Variants in FOXP2 observed in about 807,000 individuals in gnomAD.
FOXP2 encodes forkhead box protein P2.
FOXP2 carries 12 observed loss-of-function variants against 115.8 expected under a neutral mutation model. The ratio of observed to expected loss-of-function variants is 0.10; its 90% CI spans 0.07 to 0.17. FOXP2 has a LOEUF of 0.17. Among genes scored for constraint, FOXP2 ranks in the 10% least tolerant of loss-of-function variants. The probability of loss-of-function intolerance (pLI) is 1.00; values close to 1 mark genes in which losing one functional copy is unlikely to be tolerated. For synonymous variants in FOXP2, 328 were observed against 297.7 expected, an observed-to-expected ratio of 1.10 and a Z score of -1.05; for missense variants, 629 against 843.5, an observed-to-expected ratio of 0.75 and a Z score of 3.15.
chr7:114,445,150 C>T (rs1379370923), intron 2 of FOXP2, among the ~76,000 whole-genome samples: 1 of 150,788 alleles, frequency 6.6e-6, no homozygotes, highest in East Asian at 2.0e-4. Context: ...CTGCTAAAAT[C>T]CCACCAATGG....
intron 1 of FOXP2, among the ~76,000 whole-genome samples, chr7:114,255,633 C>A (rs1005038338): frequency 1.7e-4 from 26 of 152,294 alleles, no homozygotes; most frequent in African/African-American, 6.3e-4. Flanking sequence ...TTTGTTAAGA[C>A]CATTGGAAAA....
In FOXP2 at chr7:114,374,058, C is replaced by A. The variant is rs1019044281; in HGVS notation, c.-10-52444C>A. On this transcript the variant is annotated intron_variant, in intron 2 of 17. Transcript: ENST00000634411. ...GGCAACGATTATATTAGTGATATAA[C>A]TGTCTTTTAATTTGACGTTTCATAG... 2.0e-5 allele frequency among the ~76,000 whole-genome samples: 3 copies of A among 152,170 alleles called. No homozygotes were observed. In the South Asian group the frequency reaches 6.2e-4, roughly 32 times the overall value.
intron 2 of FOXP2, among the ~76,000 whole-genome samples, chr7:114,497,927 A>G (rs1356177849): frequency 6.6e-6 from 1 of 152,112 alleles, no homozygotes; most frequent in Non-Finnish European, 1.5e-5. Flanking sequence ...ATTCAGATTA[A>G]AAAACTCAGC....
chr7:114,365,587 G>A (rs1181820558), intron 2 of FOXP2, among the ~76,000 whole-genome samples: 1 of 152,032 alleles, frequency 6.6e-6, no homozygotes, highest in Non-Finnish European at 1.5e-5. Context: ...AATGACTTCT[G>A]TGTTTAGAGA....
At chr7:114,627,392 G>C (rs1314133799) in intron 3 of FOXP2, among the ~76,000 whole-genome samples, 1 of 151,976 alleles carries the variant, frequency 6.6e-6, no homozygotes, top group Non-Finnish European at 1.5e-5. Flanking sequence ...TTCTAGGAAA[G>C]TGATTACTAT....
intron 2 of FOXP2, among the ~76,000 whole-genome samples, chr7:114,468,882 A>G (rs1387239771): frequency 6.6e-6 from 1 of 152,214 alleles, no homozygotes; most frequent in Non-Finnish European, 1.5e-5. Context: ...TATTTCATTT[A>G]CTTAATGAAA....
intron 1 of FOXP2, among the ~76,000 whole-genome samples, chr7:114,221,357 C>T (rs937827883): frequency 6.6e-6 from 1 of 152,070 alleles, no homozygotes; most frequent in Non-Finnish European, 1.5e-5. Flanking sequence ...ACTGCCAAGA[C>T]ATATTTTGTA....
At chr7:114,620,890 G>A (rs1804214339) in intron 3 of FOXP2, among the ~76,000 whole-genome samples, 1 of 151,866 alleles carries the variant, frequency 6.6e-6, no homozygotes, top group Non-Finnish European at 1.5e-5. Flanking sequence ...AAAGTTATGG[G>A]AAATGTTATA....
chr7:114,507,886 G>A (rs1032131866), intron 2 of FOXP2, among the ~76,000 whole-genome samples: 11 of 151,814 alleles, frequency 7.2e-5, no homozygotes, highest in Admixed American at 7.2e-4. Flanking sequence ...AAGGAAGAAG[G>A]AGGCAGTATA....
Position 114,693,200 on chromosome 7 carries a change from A to C in FOXP2, c.*3274A>C. The C allele has an allele frequency of 2.2e-6, 1 of 452,640 alleles. No individual in the cohort carries two copies. Among genetic ancestry groups the C allele is most frequent in the Non-Finnish European group, 4.4e-6 (1 of 225,986 alleles). 28.0% of individuals were successfully genotyped at this position (452,640 alleles called of 1,614,324 possible). A position where few individuals can be genotyped will look rare whatever the true frequency, so the allele number is the denominator to read the frequency against. ...ACAAGTATTTGGTAGAATTACCACTAACTGGGTTTTCTTTAGATAACTCAG... is the reference window on the plus strand; with the variant it reads ...ACAAGTATTTGGTAGAATTACCACTCACTGGGTTTTCTTTAGATAACTCAG... On this transcript the variant is annotated 3_prime_UTR_variant, in exon 17 of 17. Coordinates refer to ENST00000350908, the MANE Select transcript of FOXP2 (RefSeq NM_014491.4).
At chr7:114,273,098 CACTGATATT>C (rs1796107524) in intron 1 of FOXP2, among the ~76,000 whole-genome samples, 1 of 151,796 alleles carries the variant, frequency 6.6e-6, no homozygotes, top group Non-Finnish European at 1.5e-5. Flanking sequence ...TTCCTCTGAG[CACTGATATT>C]ACTTTATCCC....
chr7:114,528,091 G>A (rs1380400362), intron 2 of FOXP2, among the ~76,000 whole-genome samples: 3 of 151,958 alleles, frequency 2.0e-5, no homozygotes, highest in African/African-American at 4.8e-5. Flanking sequence ...TTATTGTTTA[G>A]TTTATCCAAT....
At chr7:114,089,380 A>G (rs1317476439) in intron 1 of FOXP2, among the ~76,000 whole-genome samples, 1 of 152,096 alleles carries the variant, frequency 6.6e-6, no homozygotes, top group Non-Finnish European at 1.5e-5. Flanking sequence ...TGAATACTTT[A>G]TAGTTAGGTT....
At chr7:114,685,739 T>C (rs1257275160) in intron 16 of FOXP2, among the ~76,000 whole-genome samples, 3 of 152,178 alleles carry the variant, frequency 2.0e-5, no homozygotes, top group Non-Finnish European at 2.9e-5. Context: ...CACCCCAGAA[T>C]TGGCTTTTCT....
At chr7:114,161,143 C>G (rs1226011305), upstream of FOXP2, among the ~76,000 whole-genome samples, 3 of 152,132 alleles carry the variant, frequency 2.0e-5, no homozygotes, top group Non-Finnish European at 4.4e-5. Flanking sequence ...CTTGAACTGC[C>G]ATGTGGATAT....
At position 114,356,740 on chromosome 7, in the gene FOXP2, C is replaced by T. The variant is rs557195405; in HGVS notation, c.-11+68631C>T. Among the ~76,000 whole-genome samples, 3 of 152,184 alleles carry T rather than the reference C, an allele frequency of 2.0e-5. No homozygotes were observed. The South Asian group carries it at 6.2e-4, about 32-fold the overall frequency. ...GGCATCCTTCTAATATTAGTCAAGG[C>T]TAAGGAATGATAATTATTATTCAAA... On this transcript the variant is annotated intron_variant, in intron 2 of 17. Coordinates refer to the FOXP2 transcript ENST00000634411.
At chr7:114,432,230 A>T (rs1794143407) in intron 2 of FOXP2, among the ~76,000 whole-genome samples, 1 of 151,968 alleles carries the variant, frequency 6.6e-6, no homozygotes, top group African/African-American at 2.4e-5. Flanking sequence ...ATTTTCCTAT[A>T]ATCCATATAG....
intron 1 of FOXP2, among the ~76,000 whole-genome samples, chr7:114,203,179 C>A (rs1191073162): frequency 6.6e-6 from 1 of 152,124 alleles, no homozygotes; most frequent in African/African-American, 2.4e-5. Context: ...TTGAGTTTTT[C>A]ATCTATAAAC....
chr7:114,352,274 A>AAAAG (rs752611766), intron 2 of FOXP2, among the ~76,000 whole-genome samples: 7 of 152,068 alleles, frequency 4.6e-5, no homozygotes, highest in Non-Finnish European at 8.8e-5. Flanking sequence ...CTGAAGAAAA[A>AAAAG]AAAGAAAGAA....
Sources: gnomAD v4.1 joint callset for allele counts (sites outside exome capture counted in the v4.1 genomes callset) on GRCh38, gnomAD v4.1.1 for gene constraint, MANE v1.5 for transcripts, NCBI Gene and HGNC (gene_info 2026-07-23, HGNC 2026-07-21) for gene names.